Variants in COL8A1 observed in about 807,000 individuals in gnomAD.
The protein encoded by COL8A1 is collagen alpha-1(VIII) chain.
In COL8A1, 21 loss-of-function variants were observed where a neutral mutation model predicts 42.7. That is an observed-to-expected ratio of 0.49 (90% CI 0.35 to 0.71). The LOEUF is 0.71. Among genes scored for constraint, COL8A1 ranks in the 30% least tolerant of loss-of-function variants. COL8A1 has a pLI of 0.01. For missense variants in COL8A1, 788 were observed against 962.4 expected (o/e 0.82, Z 2.40); for synonymous variants, 367 against 369.1 (o/e 0.99, Z 0.06).
chr3:99,777,076 G>T lies in COL8A1; in HGVS notation c.-3-13604G>T, dbSNP rs1318518038. Among the ~76,000 whole-genome samples the T allele has an allele frequency of 3.3e-5, 5 of 152,272 alleles. 1 individual carries two copies. The highest frequency in any genetic ancestry group is 9.6e-5 in the African/African-American group (4 of 41,556). On this transcript the variant is annotated intron_variant, in intron 2 of 3. Transcript: ENST00000652472. ...AACATCTTTGTGACCTGTATCTTGT[G>T]CCGGTCTCCTATCTCATCCTGTGAC...
chr3:99,748,759 T>C (rs891768028), intron 2 of COL8A1, among the ~76,000 whole-genome samples: 2 of 152,176 alleles, frequency 1.3e-5, no homozygotes, highest in Admixed American at 6.5e-5. Context: ...AGCAATGATT[T>C]GGGCATTCTC....
chr3:99,702,814 T>A (rs1939578419), intron 1 of COL8A1, among the ~76,000 whole-genome samples: 1 of 152,194 alleles, frequency 6.6e-6, no homozygotes, highest in Non-Finnish European at 1.5e-5. Flanking sequence ...TGTAAAGTGC[T>A]GTGGAGAAAA....
intron 1 of COL8A1, among the ~76,000 whole-genome samples, chr3:99,640,905 A>G (rs1400834520): frequency 6.6e-6 from 1 of 151,976 alleles, no homozygotes; most frequent in Non-Finnish European, 1.5e-5. Context: ...ACTATACCCA[A>G]CCAATGCCAT....
At chr3:99,748,370 A>G (rs1252550292) in intron 2 of COL8A1, among the ~76,000 whole-genome samples, 1 of 152,208 alleles carries the variant, frequency 6.6e-6, no homozygotes, top group Non-Finnish European at 1.5e-5. Context: ...ATATACACCA[A>G]ATTTCTAAGA....
chr3:99,642,221 G>T (rs542872188), intron 1 of COL8A1, among the ~76,000 whole-genome samples: 1 of 152,238 alleles, frequency 6.6e-6, no homozygotes, highest in South Asian at 2.1e-4. Flanking sequence ...GCTAATGAGA[G>T]ATCCCTCTAT....
Position 99,795,795 on chromosome 3 carries a change from C to T in COL8A1, c.1894C>T (p.Pro632Ser), listed in dbSNP as rs1271774407. The change falls in exon 4 of 4, where the codon CCA (proline) becomes TCA (serine). Residue 632 changes from proline (P) to serine (S), a missense_variant. Physicochemically the swap from Pro to Ser is moderately conservative, Grantham distance 74. Around this residue, in one of 4 missense-constraint regions of COL8A1, gnomAD observed 212 missense variants for 210.9 expected, o/e 1.00. Transcript: ENST00000652472. ...LTAPFPPVGA[P>S]VKFNKLLYNG... ...CGCACCTTTCCCACCGGTGGGGGCC[C>T]CAGTGAAGTTTAACAAACTGCTGTA... is the stretch of plus-strand genomic sequence containing the variant. The T allele has an allele frequency of 1.2e-6, 2 of 1,614,012 alleles. No individual in the cohort carries two copies. Among genetic ancestry groups the T allele is most frequent in the African/African-American group, 1.3e-5 (1 of 74,896 alleles).
intron 2 of COL8A1, among the ~76,000 whole-genome samples, chr3:99,746,632 A>G (rs561242435): frequency 7.2e-5 from 11 of 152,358 alleles, no homozygotes; most frequent in Non-Finnish European, 1.3e-4. Flanking sequence ...AAATATCAAA[A>G]ATACATTTTA....
chr3:99,730,184 G>A (rs761320280), intron 1 of COL8A1, among the ~76,000 whole-genome samples: 7 of 152,036 alleles, frequency 4.6e-5, no homozygotes, highest in African/African-American at 7.2e-5. Flanking sequence ...CTGCACAGTC[G>A]TAAGGATTAA....
At chr3:99,659,838 G>A (rs893047906) in intron 1 of COL8A1, among the ~76,000 whole-genome samples, 6 of 152,090 alleles carry the variant, frequency 3.9e-5, no homozygotes, top group African/African-American at 4.8e-5. Context: ...CCTTCCTCCC[G>A]AGACTCTGTT....
Position 99,795,826 on chromosome 3 carries a change from G to T in COL8A1, c.1925G>T (p.Gly642Val). 1 of 1,614,152 alleles carries T rather than the reference G, an allele frequency of 6.2e-7. No homozygotes were observed. The change falls in exon 4 of 4, where the codon GGC (glycine) becomes GTC (valine). Residue 642 changes from glycine (G) to valine (V), a missense_variant. By Grantham distance (109) the Gly-to-Val change is moderately radical (BLOSUM62 -3). This residue lies in a region of COL8A1 where 212 missense variants were observed against 210.9 expected (regional missense o/e 1.00). Coordinates refer to ENST00000652472, the MANE Select transcript of COL8A1 (RefSeq NM_020351.4). ...AAGTTTAACAAACTGCTGTATAACG[G>T]CAGACAGAACTACAACCCGCAGACA... ...PVKFNKLLYN[G>V]RQNYNPQTGI...
chr3:99,689,716 T>C (rs2087845062), intron 1 of COL8A1, among the ~76,000 whole-genome samples: 1 of 152,190 alleles, frequency 6.6e-6, no homozygotes, highest in Admixed American at 6.5e-5. Context: ...ATTTAAAAGT[T>C]TCTCAATATT....
At chr3:99,669,139 AT>A (rs1938455322) in intron 1 of COL8A1, among the ~76,000 whole-genome samples, 1 of 122,598 alleles carries the variant, frequency 8.2e-6, no homozygotes, top group Non-Finnish European at 1.7e-5. Flanking sequence ...ATATATATAT[AT>A]ATATATAGAG....
chr3:99,644,182 G>T (rs746500286), intron 1 of COL8A1, among the ~76,000 whole-genome samples: 5 of 152,180 alleles, frequency 3.3e-5, no homozygotes, highest in African/African-American at 1.2e-4. Flanking sequence ...ATGACTTTCT[G>T]TTTGAGTCAG....
At chr3:99,662,045 A>G (rs1416143212) in intron 1 of COL8A1, among the ~76,000 whole-genome samples, 1 of 152,262 alleles carries the variant, frequency 6.6e-6, no homozygotes, top group African/African-American at 2.4e-5. Flanking sequence ...TTGCACAGCT[A>G]TATTAATATA....
At chr3:99,715,952 A>C (rs1390625663) in intron 1 of COL8A1, among the ~76,000 whole-genome samples, 1 of 152,038 alleles carries the variant, frequency 6.6e-6, no homozygotes, top group Non-Finnish European at 1.5e-5. Context: ...AGAGAATTAA[A>C]AGGTCTTACG....
intron 1 of COL8A1, among the ~76,000 whole-genome samples, chr3:99,650,601 A>G (rs1937814091): frequency 6.6e-6 from 1 of 151,796 alleles, no homozygotes; most frequent in African/African-American, 2.4e-5. Flanking sequence ...CACCCAGCTA[A>G]TTTTTGTATT....
At chr3:99,676,439 G>A (rs920791753) in intron 1 of COL8A1, among the ~76,000 whole-genome samples, 5 of 151,916 alleles carry the variant, frequency 3.3e-5, no homozygotes, top group Non-Finnish European at 5.9e-5. Context: ...GAATGGTTTA[G>A]GATTCAAAAA....
At chr3:99,733,787 T>C (rs1411518304) in intron 1 of COL8A1, among the ~76,000 whole-genome samples, 1 of 151,722 alleles carries the variant, frequency 6.6e-6, no homozygotes, top group Non-Finnish European at 1.5e-5. Context: ...TGTTCCTATT[T>C]CTCCACATCC....
At chr3:99,679,769 G>C (rs1233991203) in intron 1 of COL8A1, 1 of 152,148 alleles carries the variant, frequency 6.6e-6, no homozygotes, top group Non-Finnish European at 1.5e-5. Flanking sequence ...GGTTCAATCT[G>C]TTTCTGGCAT....
Sources: allele counts gnomAD v4.1 joint callset (sites outside exome capture counted in the v4.1 genomes callset), GRCh38; gene constraint gnomAD v4.1.1; regional missense constraint gnomAD v4.1.1; transcripts MANE v1.5; gene names NCBI Gene and HGNC (gene_info 2026-07-23, HGNC 2026-07-21).